TRAPPC9: variants seen among roughly 807,000 people sequenced by gnomAD.
The protein encoded by TRAPPC9 is trafficking protein particle complex subunit 9, also known as IKK2 binding protein.
Under a neutral mutation model 124.0 loss-of-function variants are expected in TRAPPC9, and 83 were observed. That is an observed-to-expected ratio of 0.67 (90% CI 0.56 to 0.80). The LOEUF (loss-of-function observed/expected upper bound fraction) is 0.80, where lower values mean the gene tolerates loss of function less well. TRAPPC9 is among the 30% of genes least tolerant of loss of function. The pLI is 0.00. For synonymous variants in TRAPPC9, 638 were observed against 617.5 expected (o/e 1.03, Z -0.49); for missense variants, 1,302 against 1,508.3 (o/e 0.86, Z 2.27).
At chr8:139,810,030 G>C (rs1400533466) in intron 21 of TRAPPC9, among the ~76,000 whole-genome samples, 5 of 152,186 alleles carry the variant, frequency 3.3e-5, no homozygotes, top group Admixed American at 2.0e-4. Flanking sequence ...TACAGGTGGG[G>C]GGAGATTCTG....
At chr8:140,388,173 T>C (rs1283300286) in intron 7 of TRAPPC9, among the ~76,000 whole-genome samples, 1 of 138,442 alleles carries the variant, frequency 7.2e-6, no homozygotes, top group Admixed American at 8.1e-5. Flanking sequence ...AACTGAACAA[T>C]GAGAACACTT....
rs1818646734 is a variant in TRAPPC9, at chr8:139,742,716, T to G, written c.3056-10514A>C. Among the ~76,000 whole-genome samples the G allele has an allele frequency of 6.6e-6, 1 of 152,180 alleles. No homozygotes were observed. Among genetic ancestry groups the G allele is most frequent in the African/African-American group, 2.4e-5 (1 of 41,428 alleles). On this transcript the variant is annotated intron_variant, in intron 21 of 22. Transcript: ENST00000438773. The surrounding 1 kb of genome is among the most constrained non-coding windows in gnomAD (Gnocchi z 4.7). ...ACCAGCAGGTCAGATGGGCCCAGCA[T>G]GCACGGTTGCTTTCAACTCTGATCT...
intron 21 of TRAPPC9, among the ~76,000 whole-genome samples, chr8:139,733,097 G>A (rs992025495): frequency 1.3e-5 from 2 of 152,148 alleles, no homozygotes; most frequent in African/African-American, 4.8e-5. Context: ...GACCGTATTG[G>A]GGAAGGGGAG....
intron 16 of TRAPPC9, among the ~76,000 whole-genome samples, chr8:140,249,086 A>G (rs949999269): frequency 2.6e-5 from 4 of 152,098 alleles, no homozygotes; most frequent in Non-Finnish European, 2.9e-5. Context: ...ACATGAGTAT[A>G]CTGTGTGATG....
At chr8:140,032,560 T>C (rs1046154538) in intron 17 of TRAPPC9, among the ~76,000 whole-genome samples, 1 of 152,206 alleles carries the variant, frequency 6.6e-6, no homozygotes, top group Non-Finnish European at 1.5e-5. Context: ...TTATAGAATA[T>C]CCTTTGCAGG....
intron 21 of TRAPPC9, among the ~76,000 whole-genome samples, chr8:139,811,717 A>G (rs1232640014): frequency 6.6e-6 from 1 of 152,248 alleles, no homozygotes; most frequent in Non-Finnish European, 1.5e-5. Flanking sequence ...TCCAAAGGGA[A>G]GAGAATCTAA....
intron 17 of TRAPPC9, among the ~76,000 whole-genome samples, chr8:140,070,907 C>A (rs544458567): frequency 6.6e-6 from 1 of 152,338 alleles, no homozygotes; most frequent in East Asian, 1.9e-4. Context: ...AGGCCCTCCA[C>A]GTCTCTTACC....
intron 15 of TRAPPC9, 150 bp from the exon 16 acceptor site, chr8:140,253,079 C>T (rs928737503): frequency 7.3e-6 from 6 of 817,210 alleles, no homozygotes; most frequent in African/African-American, 5.2e-5. Flanking sequence ...AAGAACATTC[C>T]AGAACCAAGA....
intron 7 of TRAPPC9, among the ~76,000 whole-genome samples, chr8:140,387,343 G>T (rs1343587608): frequency 2.6e-5 from 4 of 152,128 alleles, no homozygotes; most frequent in Admixed American, 1.3e-4. Flanking sequence ...AATACCAAAA[G>T]CAATGGCAAC....
chr8:140,426,745 C>A (rs2070436538), intron 4 of TRAPPC9, 104 bp from the exon 5 acceptor site: 1 of 1,176,506 alleles, frequency 8.5e-7, no homozygotes, highest in East Asian at 2.4e-5. Flanking sequence ...AGAGAAAAAT[C>A]TGACTTGTAT....
intron 20 of TRAPPC9, among the ~76,000 whole-genome samples, chr8:139,901,603 T>A (rs373648957): frequency 1.4e-4 from 21 of 152,136 alleles, no homozygotes; most frequent in African/African-American, 5.1e-4. Flanking sequence ...GGAGAGCAGG[T>A]GAAATGGACA....
At chr8:140,272,292 T>C (rs112210054) in intron 15 of TRAPPC9, among the ~76,000 whole-genome samples, 32,102 of 99,450 alleles carry the variant, frequency 0.32, 3,870 homozygotes, top group South Asian at 0.44. Flanking sequence ...GTGGTGGCAG[T>C]TGTGACAGTG....
rs527589793 is a variant in TRAPPC9, at chr8:139,874,683, C to T, written c.3055+11196G>A. On this transcript the variant is annotated intron_variant, in intron 21 of 22. Coordinates refer to ENST00000438773, the MANE Select transcript of TRAPPC9 (RefSeq NM_001160372.4). ...GAGCCCAGGTCACAGGGAAGATAGA[C>T]AGGCCCAGGGAAGGGAGGCAAGGAT... Among the ~76,000 whole-genome samples the T allele has an allele frequency of 7.2e-5, 11 of 152,276 alleles. No homozygotes were observed. The South Asian group carries it at 1.9e-3, about 26-fold the overall frequency.
intron 17 of TRAPPC9, among the ~76,000 whole-genome samples, chr8:140,031,915 G>C (rs1171090364): frequency 6.6e-6 from 1 of 152,212 alleles, no homozygotes; most frequent in East Asian, 1.9e-4. Context: ...AGAAGACCAA[G>C]TTGAAAGTCT....
intron 17 of TRAPPC9, among the ~76,000 whole-genome samples, chr8:140,049,718 A>C (rs1035378367): frequency 6.6e-6 from 1 of 152,194 alleles, no homozygotes; most frequent in Non-Finnish European, 1.5e-5. Context: ...GAGGCTGGAA[A>C]TGAAAGCGGA....
chr8:140,139,123 G>A (rs977525075), intron 17 of TRAPPC9, among the ~76,000 whole-genome samples: 5 of 152,186 alleles, frequency 3.3e-5, no homozygotes, highest in African/African-American at 1.2e-4. Flanking sequence ...GGATGGCACA[G>A]GTAAGGGATC....
chr8:139,791,576 GCA>G (rs1178174235), intron 21 of TRAPPC9, among the ~76,000 whole-genome samples: 1 of 139,902 alleles, frequency 7.1e-6, no homozygotes, highest in Non-Finnish European at 1.6e-5. Context: ...CATCTCCCCT[GCA>G]CAGACACACA....
At chr8:140,188,679 C>G (rs2131064455) in intron 17 of TRAPPC9, among the ~76,000 whole-genome samples, 1 of 152,308 alleles carries the variant, frequency 6.6e-6, no homozygotes, top group South Asian at 2.1e-4. Context: ...CTGAAATGTC[C>G]TTGACCTCTT....
At chr8:140,073,320 TAGG>T in intron 17 of TRAPPC9, among the ~76,000 whole-genome samples, 1 of 152,300 alleles carries the variant, frequency 6.6e-6, no homozygotes, top group East Asian at 1.9e-4. Flanking sequence ...TGTCTATCAA[TAGG>T]AGAATAAACA....
Sources: gnomAD v4.1 joint callset for allele counts (sites outside exome capture counted in the v4.1 genomes callset) on GRCh38, gnomAD v4.1.1 for gene constraint, Gnocchi (gnomAD v3.1) non-coding constraint, MANE v1.5 for transcripts, NCBI Gene and HGNC (gene_info 2026-07-23, HGNC 2026-07-21) for gene names.